The following APLP2 variants were observed in gnomAD, a reference collection of about 807,000 sequenced individuals.
APLP2 encodes amyloid beta precursor like protein 2.
A neutral mutation model predicts 89.9 loss-of-function variants in APLP2; 53 were observed. That is an observed-to-expected ratio of 0.59 (90% CI 0.47 to 0.74). The LOEUF is 0.74. Ranked by LOEUF, APLP2 falls within the 30% of genes least tolerant of loss-of-function variation. The pLI is 0.00. For missense variants in APLP2, 973 were observed against 975.9 expected, an observed-to-expected ratio of 1.00 and a Z score of 0.04; for synonymous variants, 372 against 348.6, an observed-to-expected ratio of 1.07 and a Z score of -0.75.
Position 130,121,690 on chromosome 11 carries a change from C to G in APLP2, c.593C>G (p.Thr198Ser). Residue 198 changes from threonine to serine, a missense_variant, in exon 5 of 17, where the codon ACT becomes AGT. Coordinates refer to ENST00000338167, the MANE Select transcript of APLP2 (RefSeq NM_001142276.2). ...TGTGGGGTAGACCAGTTCCATGGCA[C>G]TGAATATGTGTGCTGCCCTCAGACA... ...LPCGVDQFHG[T>S]EYVCCPQTKI... 6.2e-7 allele frequency: 1 copy of G among 1,614,000 alleles called. No homozygotes were observed. Among genetic ancestry groups the G allele is most frequent in the Non-Finnish European group, 8.5e-7 (1 of 1,180,008 alleles).
chr11:130,110,471 TC>T, intron 2 of APLP2, 66 bp from the exon 3 acceptor site: 2 of 1,582,656 alleles, frequency 1.3e-6, no homozygotes, highest in Non-Finnish European at 1.7e-6. Context: ...AGACACTCCA[TC>T]CTTACTTGCA....
At chr11:130,136,560 C>T (rs182316597) in intron 13 of APLP2, among the ~76,000 whole-genome samples, 1 of 152,196 alleles carries the variant, frequency 6.6e-6, no homozygotes, top group Admixed American at 6.5e-5. Context: ...ACAGACCTGA[C>T]TGGATATAGC....
intron 11 of APLP2, among the ~76,000 whole-genome samples, chr11:130,132,322 G>C (rs964521483): frequency 1.3e-5 from 2 of 152,184 alleles, no homozygotes; most frequent in African/African-American, 4.8e-5. Flanking sequence ...AGGTCAGAGA[G>C]ATGTCAGTCT....
At chr11:130,101,413 C>T (rs1946909248) in intron 1 of APLP2, 1 of 152,160 alleles carries the variant, frequency 6.6e-6, no homozygotes. Flanking sequence ...GTCTCGGTCT[C>T]CTGACCTCGT....
intron 1 of APLP2, among the ~76,000 whole-genome samples, chr11:130,095,544 G>A (rs887107987): frequency 1.5e-4 from 23 of 152,198 alleles, no homozygotes; most frequent in African/African-American, 5.3e-4. Context: ...AGAGCAGGTG[G>A]AAGGCCTGAT....
intron 1 of APLP2, among the ~76,000 whole-genome samples, chr11:130,089,482 C>T (rs1944587877): frequency 6.6e-6 from 1 of 152,196 alleles, no homozygotes; most frequent in Non-Finnish European, 1.5e-5. Context: ...TCTCCATGTC[C>T]TCACCTCACA....
Position 130,123,883 on chromosome 11 carries a change from C to G in APLP2, c.1090+104C>G. The G allele has an allele frequency of 2.3e-6, 3 of 1,298,894 alleles. No individual in the cohort carries two copies. The highest frequency in any genetic ancestry group is 2.2e-6 in the Non-Finnish European group (2 of 930,172). The allele number at this position is 1,298,894 out of a possible 1,614,324, so 80.5% of individuals were successfully genotyped here. A position where few individuals can be genotyped will look rare whatever the true frequency, so the allele number is the denominator to read the frequency against. ...CATCTGTGTGGTGTCCCTGCCCACT[C>G]GGGTGTTTGCTGTCGGTCGTCTTCC... On this transcript the variant is annotated intron_variant, in intron 7 of 16. Coordinates refer to ENST00000338167, the MANE Select transcript of APLP2 (RefSeq NM_001142276.2). The surrounding 1 kb of genome is among the most constrained non-coding windows in gnomAD (Gnocchi z 4.0).
At position 130,119,573 on chromosome 11, in the gene APLP2, A is replaced by G. The variant is rs537385073; in HGVS notation, c.404-1133A>G. On this transcript the variant is annotated intron_variant, in intron 3 of 16. Transcript: ENST00000338167. ...CCCTGATTATTTGGAAACAAATCACATACCATCTTTTCCCTGTAAATAAAC... is the reference window on the plus strand; with the variant it reads ...CCCTGATTATTTGGAAACAAATCACGTACCATCTTTTCCCTGTAAATAAAC... Among the ~76,000 whole-genome samples, 171 of 152,320 alleles carry G rather than the reference A, an allele frequency of 1.1e-3. 1 individual carries two copies. The highest frequency in any genetic ancestry group is 1.8e-3 in the Non-Finnish European group (123 of 68,018).
intron 1 of APLP2, among the ~76,000 whole-genome samples, chr11:130,090,262 T>C (rs1944728987): frequency 1.4e-5 from 2 of 147,666 alleles, no homozygotes; most frequent in Non-Finnish European, 3.0e-5. Context: ...TTTTTTTTTT[T>C]TTTTTTAAAT....
At position 130,127,892 on chromosome 11, in the gene APLP2, C is replaced by T. The variant is rs749066321; in HGVS notation, c.1296+52C>T. ...CTTTCAGCCTGACCATTGGAAAATA[C>T]GGTCAGAGCCCCATTCCCAACGAAA... On this transcript the variant is annotated intron_variant, in intron 9 of 16. Coordinates refer to ENST00000338167, the MANE Select transcript of APLP2 (RefSeq NM_001142276.2). 6.0e-6 allele frequency: 9 copies of T among 1,495,776 alleles called. No individual in the cohort carries two copies. The East Asian group carries it at 6.9e-5, about 11-fold the overall frequency. The allele number at this position is 1,495,776 out of a possible 1,614,324, so 92.7% of individuals were successfully genotyped here.
intron 1 of APLP2, among the ~76,000 whole-genome samples, chr11:130,097,293 C>T (rs1458557136): frequency 6.6e-6 from 1 of 152,214 alleles, no homozygotes; most frequent in African/African-American, 2.4e-5. Context: ...GTTTCTCTCT[C>T]CCTGCCCTGT....
chr11:130,117,548 G>A (rs1949337708), intron 3 of APLP2, among the ~76,000 whole-genome samples: 1 of 152,070 alleles, frequency 6.6e-6, no homozygotes. Flanking sequence ...GGAATTACAG[G>A]TGCATGCCAC....
intron 11 of APLP2, among the ~76,000 whole-genome samples, chr11:130,132,333 A>G (rs973096674): frequency 1.3e-5 from 2 of 152,264 alleles, no homozygotes; most frequent in Non-Finnish European, 2.9e-5. Context: ...ATGTCAGTCT[A>G]CAATAAAAGC....
intron 1 of APLP2, chr11:130,101,603 C>T (rs7943636): frequency 0.06 from 10,186 of 169,876 alleles, 319 homozygotes; most frequent in Non-Finnish European, 0.075. Context: ...AATATTGAAA[C>T]GATGCATTCC....
In APLP2 at chr11:130,109,618, G is replaced by T; in HGVS notation, c.279+16G>T. The T allele has an allele frequency of 6.3e-7, 1 of 1,598,848 alleles. No homozygotes were observed. Among genetic ancestry groups the T allele is most frequent in the African/African-American group, 1.4e-5 (1 of 74,060 alleles). ...CTGTCAGGAGGTAAGAGTGTTGCCA[G>T]TAAGTTGAAAGTGTTATTTTTCTGG... On this transcript the variant is annotated intron_variant, in intron 2 of 16. Transcript: ENST00000338167.
intron 8 of APLP2, 22 bp downstream of exon 8, chr11:130,126,852 A>G (rs1366649874): frequency 1.2e-6 from 2 of 1,613,692 alleles, no homozygotes; most frequent in Non-Finnish European, 1.7e-6. Flanking sequence ...CAATTTCTTC[A>G]TCTTCATGGT....
intron 1 of APLP2, among the ~76,000 whole-genome samples, chr11:130,094,236 A>G (rs1391503063): frequency 6.6e-6 from 1 of 151,482 alleles, no homozygotes; most frequent in Non-Finnish European, 1.5e-5. Flanking sequence ...TAGTTTTAGT[A>G]GAGACGGGGT....
At chr11:130,110,907 C>T (rs560322548) in intron 3 of APLP2, among the ~76,000 whole-genome samples, 17 of 152,148 alleles carry the variant, frequency 1.1e-4, no homozygotes, top group Non-Finnish European at 2.4e-4. Flanking sequence ...AAGGGTGCTA[C>T]CCACAGAGCA....
intron 1 of APLP2, among the ~76,000 whole-genome samples, chr11:130,095,268 A>T (rs1946044860): frequency 6.6e-6 from 1 of 152,222 alleles, no homozygotes. Context: ...ACTACTCGGG[A>T]GGCTGAGGCC....
Sources: allele counts gnomAD v4.1 joint callset (sites outside exome capture counted in the v4.1 genomes callset), GRCh38; gene constraint gnomAD v4.1.1; non-coding constraint Gnocchi (gnomAD v3.1); transcripts MANE v1.5; gene names NCBI Gene and HGNC (gene_info 2026-07-23, HGNC 2026-07-21).